Variants in FAT4 observed in about 807,000 individuals in gnomAD.
FAT4 encodes the protein FAT atypical cadherin 4, also known as protocadherin Fat 4.
In FAT4, 84 loss-of-function variants were observed where a neutral mutation model predicts 303.9. The observed-to-expected ratio is 0.28, with a 90% CI of 0.23 to 0.33. FAT4 has a LOEUF of 0.33. FAT4 is among the 10% of genes least tolerant of loss of function. The pLI is 1.00. For synonymous variants in FAT4, 2,307 were observed against 2,298.8 expected (o/e 1.00, Z -0.10); for missense variants, 6,005 against 6,146.8 (o/e 0.98, Z 0.77).
At chr4:125,325,581 T>G (rs1388950931) in intron 2 of FAT4, among the ~76,000 whole-genome samples, 1 of 152,172 alleles carries the variant, frequency 6.6e-6, no homozygotes, top group Non-Finnish European at 1.5e-5. Flanking sequence ...CAATTACACA[T>G]ATGCATTTCT....
chr4:125,364,507 G>T (rs1287394270), intron 2 of FAT4, among the ~76,000 whole-genome samples: 1 of 151,018 alleles, frequency 6.6e-6, no homozygotes. Context: ...TATTAGAAGG[G>T]AACCCAAACT....
At position 125,450,186 on chromosome 4, in the gene FAT4, TCA is replaced by T; in HGVS notation, c.9179_9180del (p.Thr3060SerfsTer6). ...TCTGACTTGAACCAAAACTTTTTTA[TCA>T]CAGTCACTGCAAAGGATAAGGGAAA... On this transcript the variant is annotated frameshift_variant, in exon 10 of 18. Coordinates refer to ENST00000394329, the MANE Select transcript of FAT4 (RefSeq NM_001291303.3). LOFTEE classifies it high-confidence loss of function. 6.2e-7 allele frequency: 1 copy of T among 1,613,870 alleles called. No homozygotes were observed. Among genetic ancestry groups the T allele is most frequent in the Non-Finnish European group, 8.5e-7 (1 of 1,179,986 alleles).
intron 12 of FAT4, 42 bp from the exon 13 acceptor site, chr4:125,476,129 G>A (rs180692127): frequency 1.8e-5 from 23 of 1,302,826 alleles, no homozygotes; most frequent in Admixed American, 5.3e-5. Context: ...TAATAGGGAC[G>A]GTAGAACTCA....
chr4:125,370,672 C>T (rs1578568211), intron 2 of FAT4, among the ~76,000 whole-genome samples: 1 of 152,010 alleles, frequency 6.6e-6, no homozygotes, highest in East Asian at 1.9e-4. Context: ...GTAAGGTAAA[C>T]CTGATTACTC....
intron 2 of FAT4, among the ~76,000 whole-genome samples, chr4:125,328,459 C>T (rs1324162998): frequency 2.0e-5 from 3 of 151,986 alleles, no homozygotes; most frequent in South Asian, 2.1e-4. Flanking sequence ...AGTTTCCAGA[C>T]GTGTATGCAT....
chr4:125,462,587 C>A (rs1339842071), intron 10 of FAT4, among the ~76,000 whole-genome samples: 1 of 151,804 alleles, frequency 6.6e-6, no homozygotes, highest in East Asian at 1.9e-4. Context: ...AAATAAGTAA[C>A]AACAACAAAA....
intron 14 of FAT4, among the ~76,000 whole-genome samples, chr4:125,479,199 G>A (rs1483480225): frequency 2.0e-5 from 3 of 152,050 alleles, no homozygotes; most frequent in Non-Finnish European, 4.4e-5. Context: ...CAGCAAACCC[G>A]CAAACTCACT....
rs756635224 is a variant in FAT4 at position 125,321,263 on chromosome 4, A to T, written c.4852A>T (p.Thr1618Ser). ...PERRKSTTELTIILQGLDGPV... is the reference protein window; with the variant it reads ...PERRKSTTELSIILQGLDGPV... The stretch of plus-strand genomic sequence containing the variant: ...AAGGAGGAAATCGACCACTGAATTG[A>T]CCATCATTCTTCAGGGCCTTGATGG... The change falls in exon 2 of 18, where the codon ACC becomes TCC. Residue 1618 changes from threonine (T) to serine (S), a missense_variant. Thr to Ser is a moderately conservative substitution (Grantham distance 58). Transcript: ENST00000394329. The T allele has an allele frequency of 6.2e-7, 1 of 1,614,070 alleles. No individual in the cohort carries two copies.
At chr4:125,464,771 G>C (rs1330050830) in intron 11 of FAT4, among the ~76,000 whole-genome samples, 1 of 151,962 alleles carries the variant, frequency 6.6e-6, no homozygotes, top group Non-Finnish European at 1.5e-5. Flanking sequence ...TGCGGTGTTT[G>C]GTTTTTTGTC....
intron 2 of FAT4, among the ~76,000 whole-genome samples, chr4:125,390,644 G>A (rs1487989372): frequency 6.6e-6 from 1 of 152,142 alleles, no homozygotes; most frequent in Non-Finnish European, 1.5e-5. Context: ...TTAGCAAAAT[G>A]TTATTGAGTT....
At chr4:125,396,322 A>G (rs553210684) in intron 2 of FAT4, among the ~76,000 whole-genome samples, 3 of 152,098 alleles carry the variant, frequency 2.0e-5, no homozygotes, top group Non-Finnish European at 4.4e-5. Context: ...AAAATCAGGT[A>G]TGTTTATTAG....
chr4:125,316,444 C>A lies in FAT4; in HGVS notation c.33C>A (p.Arg11=). 1 of 1,613,220 alleles carries A rather than the reference C, an allele frequency of 6.2e-7. No individual in the cohort carries two copies. The highest frequency in any genetic ancestry group is 8.5e-7 in the Non-Finnish European group (1 of 1,179,560). The change falls in exon 2 of 18, where the codon CGC becomes CGA. Residue 11 remains arginine, a synonymous_variant. Coordinates refer to ENST00000394329, the MANE Select transcript of FAT4 (RefSeq NM_001291303.3). The surrounding 1 kb of genome is among the most constrained non-coding windows in gnomAD (Gnocchi z 5.7). MDLAPDRATG[R]PWLPLHTLSV... ...TAGCACCAGACAGGGCTACTGGCCG[C>A]CCGTGGCTCCCGTTGCACACTCTAT...
intron 12 of FAT4, among the ~76,000 whole-genome samples, chr4:125,475,307 A>G (rs13138909): frequency 0.38 from 58,181 of 151,848 alleles, 11,159 homozygotes; most frequent in Middle Eastern, 0.46. Flanking sequence ...CTTAGACTGC[A>G]CTGCAGCCAT....
chr4:125,416,740 G>T (rs1735090529), intron 7 of FAT4, 118 bp downstream of exon 7: 1 of 927,584 alleles, frequency 1.1e-6, no homozygotes, highest in South Asian at 1.6e-5. Flanking sequence ...GAGGTCGGGA[G>T]TTCAAGACCA....
chr4:125,435,831 T>C (rs1377416165), intron 8 of FAT4, among the ~76,000 whole-genome samples: 1 of 152,116 alleles, frequency 6.6e-6, no homozygotes, highest in African/African-American at 2.4e-5. Flanking sequence ...AAGAGACACA[T>C]AAACTGGTCT....
chr4:125,318,873 A>G lies in FAT4; in HGVS notation c.2462A>G (p.Asp821Gly), dbSNP rs895426603. 3 of 1,614,148 alleles carry G rather than the reference A, an allele frequency of 1.9e-6. No individual in the cohort carries two copies. The highest frequency in any genetic ancestry group is 1.7e-5 in the Admixed American group (1 of 60,018). ...HVGSVSASTM[D>G]LNSNISYLIT... ...GGTAGTGTGTCTGCATCCACCATGG[A>G]TCTCAATTCCAACATCAGTTATCTC... Residue 821 changes from aspartate to glycine, a missense_variant, in exon 2 of 18, where the codon GAT becomes GGT. Transcript: ENST00000394329.
intron 10 of FAT4, among the ~76,000 whole-genome samples, chr4:125,462,228 G>T (rs576674787): frequency 1.3e-5 from 2 of 151,998 alleles, no homozygotes; most frequent in East Asian, 3.9e-4. Flanking sequence ...CACAAAAACA[G>T]AACCAATTTA....
At chr4:125,352,183 T>C (rs1732250989) in intron 2 of FAT4, among the ~76,000 whole-genome samples, 1 of 151,702 alleles carries the variant, frequency 6.6e-6, no homozygotes, top group Non-Finnish European at 1.5e-5. Context: ...TGAAGTTCTG[T>C]GCTTAAATAG....
intron 2 of FAT4, among the ~76,000 whole-genome samples, chr4:125,357,790 G>T (rs1287109313): frequency 1.3e-5 from 2 of 152,070 alleles, no homozygotes; most frequent in Admixed American, 1.3e-4. Context: ...CTCCTAGGGG[G>T]TTGTCATTTA....
Sources: gnomAD v4.1 joint callset for allele counts (sites outside exome capture counted in the v4.1 genomes callset) on GRCh38, gnomAD v4.1.1 for gene constraint, Gnocchi (gnomAD v3.1) non-coding constraint, MANE v1.5 for transcripts, NCBI Gene and HGNC (gene_info 2026-07-23, HGNC 2026-07-21) for gene names.